SMIM45: variants seen among roughly 807,000 people sequenced by gnomAD.
The protein encoded by SMIM45 is long intergenic non-protein coding RNA 634.
chr22:41,953,004 G>C, the SMIM45 span, among the ~76,000 whole-genome samples: 1 of 152,144 alleles, frequency 6.6e-6, no homozygotes, highest in South Asian at 2.1e-4. Flanking sequence ...ACTCTCTCCA[G>C]CTCCCCAGAA....
At chr22:41,946,977 A>C in the SMIM45 span, 1 of 1,603,480 alleles carries the variant, frequency 6.2e-7, no homozygotes, top group Non-Finnish European at 8.5e-7. Flanking sequence ...AGCACCGCCC[A>C]GGAGGAAAAA....
chr22:41,958,111 T>A, the SMIM45 span: 1 of 337,762 alleles, frequency 3.0e-6, no homozygotes, highest in African/African-American at 2.2e-5. Context: ...GCTCTCCGTG[T>A]CAAGCCGACT....
At chr22:41,951,991 C>G in the SMIM45 span, among the ~76,000 whole-genome samples, 1 of 152,386 alleles carries the variant, frequency 6.6e-6, no homozygotes, top group Admixed American at 6.5e-5. Flanking sequence ...TCCTGCCGCT[C>G]TGTCATCTGC....
chr22:41,950,231 C>T, the SMIM45 span, among the ~76,000 whole-genome samples: 14 of 152,174 alleles, frequency 9.2e-5, no homozygotes, highest in Non-Finnish European at 1.9e-4. Flanking sequence ...ATAAGGGACA[C>T]GTATAATCAA....
At chr22:41,947,132 C>G in the SMIM45 span, 2 of 1,573,106 alleles carry the variant, frequency 1.3e-6, no homozygotes, top group South Asian at 2.2e-5. Flanking sequence ...TTCAAACCGC[C>G]CTGAGTCCAG....
the SMIM45 span, among the ~76,000 whole-genome samples, chr22:41,950,872 G>C: frequency 6.6e-6 from 1 of 152,196 alleles, no homozygotes; most frequent in African/African-American, 2.4e-5. Context: ...CCCACCTGTA[G>C]TCCCAGCTCC....
chr22:41,949,366 G>C, the SMIM45 span, among the ~76,000 whole-genome samples: 9 of 152,324 alleles, frequency 5.9e-5, no homozygotes, highest in East Asian at 1.7e-3. Context: ...AATTCAGTGA[G>C]AGAGGGGCCC....
chr22:41,957,443 C>A, the SMIM45 span, among the ~76,000 whole-genome samples: 4 of 151,378 alleles, frequency 2.6e-5, no homozygotes, highest in African/African-American at 9.7e-5. Context: ...ACCTCGTGAT[C>A]CGCCCACTTC....
chr22:41,957,181 CTTTTTTT>C, the SMIM45 span, among the ~76,000 whole-genome samples: 276 of 59,284 alleles, frequency 4.7e-3, 10 homozygotes, highest in African/African-American at 0.016. Context: ...ACCACGTGGT[CTTTTTTT>C]TTTTTTTTTT....
chr22:41,952,703 C>T, the SMIM45 span, among the ~76,000 whole-genome samples: 3 of 152,196 alleles, frequency 2.0e-5, no homozygotes, highest in Non-Finnish European at 2.9e-5. Context: ...GAAGAGACCA[C>T]GGGGTCCTCA....
chr22:41,950,272 A>C, the SMIM45 span, among the ~76,000 whole-genome samples: 7 of 152,226 alleles, frequency 4.6e-5, no homozygotes, highest in African/African-American at 1.4e-4. Flanking sequence ...CAATTTGATA[A>C]GTTTGACATA....
chr22:41,955,486 C>G, the SMIM45 span, among the ~76,000 whole-genome samples: 2 of 151,726 alleles, frequency 1.3e-5, no homozygotes, highest in Admixed American at 6.6e-5. Flanking sequence ...TTGCAAAATG[C>G]TCTTTAGGCA....
At chr22:41,950,514 A>G in the SMIM45 span, among the ~76,000 whole-genome samples, 3 of 150,954 alleles carry the variant, frequency 2.0e-5, no homozygotes, top group Non-Finnish European at 4.4e-5. Context: ...CTTGGGCAAT[A>G]TGGCAAAATC....
At chr22:41,954,202 A>ATTTTT in the SMIM45 span, among the ~76,000 whole-genome samples, 147 of 104,506 alleles carry the variant, frequency 1.4e-3, 2 homozygotes, top group Middle Eastern at 6.1e-3. Context: ...GGTACTTTGA[A>ATTTTT]TTTTTTTTTT....
chr22:41,957,133 AGCTCTGT>A, the SMIM45 span, among the ~76,000 whole-genome samples: 2 of 141,288 alleles, frequency 1.4e-5, no homozygotes, highest in South Asian at 5.1e-4. Context: ...GCGTGGGGAT[AGCTCTGT>A]GCTTGCCCAC....
the SMIM45 span, among the ~76,000 whole-genome samples, chr22:41,954,405 C>T: frequency 1.7e-3 from 264 of 152,122 alleles, no homozygotes; most frequent in African/African-American, 6.0e-3. Flanking sequence ...CGGGGTTTCT[C>T]CATGTTGGCC....
At chr22:41,953,728 G>A in the SMIM45 span, among the ~76,000 whole-genome samples, 2 of 143,194 alleles carry the variant, frequency 1.4e-5, no homozygotes, top group African/African-American at 5.0e-5. Flanking sequence ...GATGATCTGT[G>A]ATCTGTGATC....
At chr22:41,948,465 C>G in the SMIM45 span, among the ~76,000 whole-genome samples, 1 of 152,150 alleles carries the variant, frequency 6.6e-6, no homozygotes, top group Non-Finnish European at 1.5e-5. Context: ...CTAAATCCTT[C>G]TTACTGCAGA....
the SMIM45 span, among the ~76,000 whole-genome samples, chr22:41,950,865 A>C: frequency 6.6e-6 from 1 of 152,112 alleles, no homozygotes; most frequent in Non-Finnish European, 1.5e-5. Context: ...GGTGGTGCCC[A>C]CCTGTAGTCC....
Sources: allele counts gnomAD v4.1 joint callset (sites outside exome capture counted in the v4.1 genomes callset), GRCh38; gene constraint gnomAD v4.1.1; transcripts MANE v1.5; gene names NCBI Gene and HGNC (gene_info 2026-07-23, HGNC 2026-07-21).